Variants in PDE3A observed in about 807,000 individuals in gnomAD.
The protein encoded by PDE3A is phosphodiesterase 3A.
In PDE3A, 43 loss-of-function variants were observed where a neutral mutation model predicts 98.3. The ratio of observed to expected loss-of-function variants is 0.44; its 90% CI spans 0.34 to 0.56. The LOEUF (loss-of-function observed/expected upper bound fraction) is 0.56, where lower values mean the gene tolerates loss of function less well. Ranked by LOEUF, PDE3A falls within the 20% of genes least tolerant of loss-of-function variation. PDE3A has a pLI of 0.01. For missense variants in PDE3A, 1,427 were observed against 1,440.7 expected, an observed-to-expected ratio of 0.99 and a Z score of 0.15; for synonymous variants, 663 against 567.9, an observed-to-expected ratio of 1.17 and a Z score of -2.38.
At chr12:20,660,257 A>T (rs1039866893) in intron 15 of PDE3A, among the ~76,000 whole-genome samples, 2 of 152,184 alleles carry the variant, frequency 1.3e-5, no homozygotes, top group African/African-American at 4.8e-5. Context: ...AGGCCTCCAT[A>T]GCCCTGTCAG....
At chr12:20,504,205 G>T (rs1946074542) in intron 1 of PDE3A, among the ~76,000 whole-genome samples, 1 of 151,286 alleles carries the variant, frequency 6.6e-6, no homozygotes, top group Non-Finnish European at 1.5e-5. Flanking sequence ...TTACTCTGTT[G>T]GTATTCTGCA....
At chr12:20,638,253 T>C (rs185336277) in intron 9 of PDE3A, among the ~76,000 whole-genome samples, 100 of 152,292 alleles carry the variant, frequency 6.6e-4, no homozygotes, top group African/African-American at 2.3e-3. Flanking sequence ...TCTGTGAAGA[T>C]TGAAGGGAAA....
intron 13 of PDE3A, among the ~76,000 whole-genome samples, chr12:20,649,474 GATTTA>G (rs1225656891): frequency 3.9e-5 from 6 of 152,044 alleles, no homozygotes; most frequent in Non-Finnish European, 5.9e-5. Flanking sequence ...GTTTTTGTTT[GATTTA>G]ATTTGTTTTC....
chr12:20,485,768 G>T (rs1455511946), intron 1 of PDE3A, among the ~76,000 whole-genome samples: 2 of 151,930 alleles, frequency 1.3e-5, no homozygotes, highest in Non-Finnish European at 1.5e-5. Context: ...TTGCTTTTAA[G>T]TATTATTACT....
At chr12:20,423,701 A>G (rs1004685749) in intron 1 of PDE3A, among the ~76,000 whole-genome samples, 5 of 152,118 alleles carry the variant, frequency 3.3e-5, no homozygotes, top group Non-Finnish European at 5.9e-5. Flanking sequence ...TACCACCGGT[A>G]TTACCGTGCC....
Position 20,648,758 on chromosome 12 carries a change from C to T in PDE3A, c.2636C>T (p.Ser879Phe). The T allele has an allele frequency of 1.2e-6, 2 of 1,612,764 alleles. No individual in the cohort carries two copies. The highest frequency in any genetic ancestry group is 8.5e-7 in the Non-Finnish European group (1 of 1,178,836). ...GCTGCTGCATGGAATCTTTTCATGT[C>T]CCGGCCAGAGTATAACTTCTTAATT... ...HAAAAWNLFM[S>F]RPEYNFLINL... The change falls in exon 13 of 16, where the codon TCC (serine) becomes TTC (phenylalanine). Residue 879 changes from serine to phenylalanine, a missense_variant. Physicochemically the swap from Ser to Phe is radical, Grantham distance 155 (BLOSUM62 -2). Transcript: ENST00000359062.
At chr12:20,380,110 A>G (rs1185389625) in intron 1 of PDE3A, among the ~76,000 whole-genome samples, 1 of 151,810 alleles carries the variant, frequency 6.6e-6, no homozygotes, top group East Asian at 1.9e-4. Flanking sequence ...TTCAGCTATC[A>G]CCTTTTTTAT....
intron 1 of PDE3A, among the ~76,000 whole-genome samples, chr12:20,446,972 G>A (rs1285928745): frequency 6.6e-6 from 1 of 152,162 alleles, no homozygotes; most frequent in Non-Finnish European, 1.5e-5. Context: ...GGGCAAGAGT[G>A]TTATGATAAG....
chr12:20,628,427 C>A (rs576324277), intron 5 of PDE3A, among the ~76,000 whole-genome samples: 2 of 152,134 alleles, frequency 1.3e-5, no homozygotes, highest in African/African-American at 4.8e-5. Flanking sequence ...AATGCAAACG[C>A]TGCCTAATAC....
At chr12:20,480,310 G>T (rs941308466) in intron 1 of PDE3A, among the ~76,000 whole-genome samples, 1 of 152,052 alleles carries the variant, frequency 6.6e-6, no homozygotes, top group Non-Finnish European at 1.5e-5. Flanking sequence ...ACATCATCCA[G>T]GTTATATATT....
intron 1 of PDE3A, among the ~76,000 whole-genome samples, chr12:20,457,794 A>AT (rs139844788): frequency 0.2 from 30,102 of 151,790 alleles, 3,173 homozygotes; most frequent in East Asian, 0.29. Context: ...TGCTGTAAAA[A>AT]TTTTTTTAAA....
chr12:20,532,555 A>C (rs1262270710), intron 1 of PDE3A, among the ~76,000 whole-genome samples: 3 of 152,208 alleles, frequency 2.0e-5, no homozygotes, highest in Non-Finnish European at 4.4e-5. Context: ...CAGATTGGCA[A>C]CACCGATGTG....
chr12:20,539,334 T>G lies in PDE3A; in HGVS notation c.961-17326T>G, dbSNP rs147598626. 2.9e-3 allele frequency among the ~76,000 whole-genome samples: 441 copies of G among 152,282 alleles called. 1 individual carries two copies. Among genetic ancestry groups the G allele is most frequent in the Middle Eastern group, 0.014 (4 of 294 alleles). On this transcript the variant is annotated intron_variant, in intron 1 of 15. Coordinates refer to ENST00000359062, the MANE Select transcript of PDE3A (RefSeq NM_000921.5). ...TTTATAAAACAAAGTTTGTGTACAT[T>G]GAACCATCAGAAAGCCAAGATGCCA...
At chr12:20,443,655 A>G (rs1565551021) in intron 1 of PDE3A, among the ~76,000 whole-genome samples, 1 of 152,178 alleles carries the variant, frequency 6.6e-6, no homozygotes, top group Non-Finnish European at 1.5e-5. Context: ...CCCCACAGTA[A>G]TTATGTTGAA....
intron 1 of PDE3A, among the ~76,000 whole-genome samples, chr12:20,531,989 G>A (rs974628042): frequency 1.3e-5 from 2 of 151,636 alleles, no homozygotes; most frequent in African/African-American, 4.8e-5. Flanking sequence ...CAAGTCTAAT[G>A]GATAGATCTG....
At chr12:20,608,244 C>T (rs1258879903) in intron 2 of PDE3A, among the ~76,000 whole-genome samples, 2 of 152,176 alleles carry the variant, frequency 1.3e-5, no homozygotes, top group Admixed American at 6.5e-5. Flanking sequence ...TTGCATGCCT[C>T]ATTGAAGCCT....
At chr12:20,414,758 C>G (rs12370745) in intron 1 of PDE3A, among the ~76,000 whole-genome samples, 93,716 of 152,020 alleles carry the variant, frequency 0.62, 30,655 homozygotes, top group East Asian at 0.88. Context: ...TCTTCTGAGC[C>G]AAGTACAAAT....
intron 1 of PDE3A, among the ~76,000 whole-genome samples, chr12:20,492,390 C>G (rs1196525039): frequency 1.1e-5 from 1 of 89,714 alleles, no homozygotes; most frequent in Non-Finnish European, 2.2e-5. Flanking sequence ...GCCACAGTGT[C>G]TGGGTTCGAA....
chr12:20,418,777 T>C (rs934992886), intron 1 of PDE3A, among the ~76,000 whole-genome samples: 2 of 152,170 alleles, frequency 1.3e-5, no homozygotes, highest in Admixed American at 6.5e-5. Flanking sequence ...TTTTTAATGC[T>C]TTTACATTTT....
Sources: allele counts gnomAD v4.1 joint callset (sites outside exome capture counted in the v4.1 genomes callset), GRCh38; gene constraint gnomAD v4.1.1; transcripts MANE v1.5; gene names NCBI Gene and HGNC (gene_info 2026-07-23, HGNC 2026-07-21).